MTMR2: variants seen among roughly 807,000 people sequenced by gnomAD.
The protein encoded by MTMR2 is myotubularin related protein 2.
In MTMR2, 55 loss-of-function variants were observed where a neutral mutation model predicts 86.9. That is an observed-to-expected ratio of 0.63 (90% CI 0.51 to 0.79). MTMR2 has a LOEUF of 0.79. MTMR2 is among the 30% of genes least tolerant of loss of function. The pLI, the probability that MTMR2 is intolerant of heterozygous loss-of-function variation, is 0.00. For synonymous variants in MTMR2, 241 were observed against 266.8 expected, an observed-to-expected ratio of 0.90 and a Z score of 0.94; for missense variants, 659 against 772.3, an observed-to-expected ratio of 0.85 and a Z score of 1.74.
chr11:95,871,004 GTGATAGTTTCCT>G (rs1864858341), intron 2 of MTMR2, among the ~76,000 whole-genome samples: 1 of 151,550 alleles, frequency 6.6e-6, no homozygotes, highest in Admixed American at 6.6e-5. Context: ...TTTTGTCCTT[GTGATAGTTTCCT>G]GAGAATGATG....
chr11:95,865,475 A>C, intron 3 of MTMR2, 126 bp downstream of exon 3: 1 of 871,252 alleles, frequency 1.1e-6, no homozygotes, highest in Non-Finnish European at 2.0e-6. Context: ...AGAAGACTGC[A>C]GGTAAAGAGT....
At chr11:95,845,203 A>G (rs777551816) in intron 10 of MTMR2, 44 bp from the exon 11 acceptor site, 3 of 1,504,180 alleles carry the variant, frequency 2.0e-6, no homozygotes, top group Middle Eastern at 3.4e-4. Context: ...AACAAGGTAA[A>G]TACTTCCTTC....
intron 7 of MTMR2, among the ~76,000 whole-genome samples, chr11:95,853,655 T>C (rs1231640572): frequency 6.6e-6 from 1 of 152,112 alleles, no homozygotes; most frequent in African/African-American, 2.4e-5. Context: ...AGACTATTCA[T>C]TACATTATAT....
chr11:95,868,477 C>T (rs1476045344), intron 2 of MTMR2, among the ~76,000 whole-genome samples: 7 of 151,018 alleles, frequency 4.6e-5, no homozygotes, highest in Admixed American at 2.0e-4. Flanking sequence ...ATTCAGAAAA[C>T]AGATTTAATG....
intron 1 of MTMR2, 119 bp from the exon 2 acceptor site, chr11:95,888,380 C>T (rs1019300853): frequency 8.4e-6 from 6 of 715,854 alleles, no homozygotes; most frequent in Admixed American, 4.3e-5. Context: ...CTAAGTTCTG[C>T]TTTGCCTATT....
intron 7 of MTMR2, 81 bp from the exon 8 acceptor site, chr11:95,850,830 A>T: frequency 7.5e-7 from 1 of 1,335,914 alleles, no homozygotes. Context: ...CATCCTGTTC[A>T]ATCTCTCTGA....
At chr11:95,862,786 T>C (rs1282547691) in intron 3 of MTMR2, among the ~76,000 whole-genome samples, 1 of 152,224 alleles carries the variant, frequency 6.6e-6, no homozygotes, top group Non-Finnish European at 1.5e-5. Flanking sequence ...CTGTCCAGTT[T>C]GTCAACATTC....
chr11:95,866,320 C>T (rs1359741139), intron 2 of MTMR2: 1 of 153,476 alleles, frequency 6.5e-6, no homozygotes. Context: ...AGAGAACACA[C>T]AGACACACCC....
At position 95,849,854 on chromosome 11, in the gene MTMR2, T is replaced by A. The variant is rs776101846; in HGVS notation, c.813A>T (p.Ser271=). Residue 271 remains serine (S), a synonymous_variant, in exon 9 of 15, where the codon TCA becomes TCT. Transcript: ENST00000346299. ...FRSRGRIPVL[S]WIHPESQATI... is the part of the protein sequence containing the mutation. The stretch of plus-strand genomic sequence containing the variant: ...TGGCTTGACTTTCAGGATGAATCCA[T>A]GATAAAACCTTAATGAGGAAAAAAT... 1 of 1,614,000 alleles carries A rather than the reference T, an allele frequency of 6.2e-7. No homozygotes were observed. Among genetic ancestry groups the A allele is most frequent in the South Asian group, 1.1e-5 (1 of 91,080 alleles).
Position 95,838,119 on chromosome 11 carries a change from T to C in MTMR2, c.1568A>G (p.Asn523Ser). Residue 523 changes from asparagine (N) to serine (S), a missense_variant, in exon 13 of 15, where the codon AAT becomes AGT. Asn to Ser is a conservative substitution (Grantham distance 46). This residue lies in a region of MTMR2 where 193 missense variants were observed against 191.6 expected (regional missense o/e 1.01). Transcript: ENST00000346299. ...YSCLFGTFLC[N>S]SEQQRGKENL... The stretch of plus-strand genomic sequence containing the variant: ...CTCTTTTCCTCTCTGTTGTTCACTA[T>C]TACAGAGGAATGTTCCGAATAAGCA... 1.2e-6 allele frequency: 2 copies of C among 1,605,532 alleles called. No individual in the cohort carries two copies. Among genetic ancestry groups the C allele is most frequent in the Non-Finnish European group, 1.7e-6 (2 of 1,172,544 alleles).
chr11:95,903,300 G>C (rs1275808825), intron 1 of MTMR2, among the ~76,000 whole-genome samples: 1 of 152,088 alleles, frequency 6.6e-6, no homozygotes. Flanking sequence ...CTACACTCCA[G>C]AGTACCTATT....
At chr11:95,845,582 A>G (rs922316058) in intron 10 of MTMR2, among the ~76,000 whole-genome samples, 2 of 152,146 alleles carry the variant, frequency 1.3e-5, no homozygotes, top group South Asian at 2.1e-4. Context: ...CCTGAAAGCA[A>G]TAATACTGGA....
intron 1 of MTMR2, among the ~76,000 whole-genome samples, chr11:95,923,308 G>A (rs748815856): frequency 3.3e-5 from 5 of 152,174 alleles, no homozygotes; most frequent in Non-Finnish European, 4.4e-5. Context: ...ATTTAGAAAA[G>A]AGAAGCACAG....
chr11:95,845,058 G>T lies in MTMR2; in HGVS notation c.1281C>A (p.Leu427=), dbSNP rs199542109. The T allele has an allele frequency of 7.4e-6, 12 of 1,613,820 alleles. No homozygotes were observed. Among genetic ancestry groups the T allele is most frequent in the Non-Finnish European group, 1.0e-5 (12 of 1,179,882 alleles). ...CCAACATGAGCATGGCAAGGGAAGTGAGCTGAGCTGTGCGATCCCAACCAT... is the reference window on the plus strand; with the variant it reads ...CCAACATGAGCATGGCAAGGGAAGTTAGCTGAGCTGTGCGATCCCAACCAT... ...CSDGWDRTAQ[L]TSLAMLMLDG... Residue 427 remains leucine, a synonymous_variant, in exon 11 of 15, where the codon CTC becomes CTA. Coordinates refer to ENST00000346299, the MANE Select transcript of MTMR2 (RefSeq NM_016156.6).
At chr11:95,838,249 T>G (rs777241424) in intron 12 of MTMR2, 42 bp from the exon 13 acceptor site, 5 of 1,046,846 alleles carry the variant, frequency 4.8e-6, no homozygotes, top group Middle Eastern at 2.1e-4. Flanking sequence ...AAGACATTCT[T>G]CAAGCATATT....
Position 95,849,666 on chromosome 11 carries a change from C to G in MTMR2, c.993+8G>C, listed in dbSNP as rs760050655. The G allele has an allele frequency of 1.2e-6, 2 of 1,612,648 alleles. No homozygotes were observed. Among genetic ancestry groups the G allele is most frequent in the Admixed American group, 1.7e-5 (1 of 60,006 alleles). ...ACCATAATTATAATTACTAAGAGAC[C>G]ATCTGACCTTGTTGGCAACAGCATT... is the stretch of plus-strand genomic sequence containing the variant. On this transcript the variant is annotated splice_region_variant and intron_variant, in intron 9 of 14. Transcript: ENST00000346299.
In MTMR2 at chr11:95,834,383, ACTT is replaced by A. The variant is rs1451885419; in HGVS notation, c.*904_*906del. ...AAAAAATGTAAAATTTGAGCACAGTACTTCTCACTATAAGCTATTTATACAGAA... is the reference window on the plus strand; with the variant it reads ...AAAAAATGTAAAATTTGAGCACAGTACTCACTATAAGCTATTTATACAGAA... On this transcript the variant is annotated 3_prime_UTR_variant, in exon 15 of 15. Transcript: ENST00000346299. The A allele has an allele frequency of 6.6e-6, 1 of 152,168 alleles. No individual in the cohort carries two copies. Among genetic ancestry groups the A allele is most frequent in the Non-Finnish European group, 1.5e-5 (1 of 67,982 alleles). 9.4% of individuals were successfully genotyped at this position (152,168 alleles called of 1,614,324 possible).
rs1028024604 is a variant in MTMR2, at chr11:95,870,581, T to C, written c.187-4905A>G. 1.1e-4 allele frequency among the ~76,000 whole-genome samples: 17 copies of C among 152,098 alleles called. 1 individual carries two copies. ...TATATGAATAATACTTGATGATTTT[T>C]ACTTGAGAGGAATTGCATCTCAGAT... is the stretch of plus-strand genomic sequence containing the variant. On this transcript the variant is annotated intron_variant, in intron 2 of 14. Coordinates refer to ENST00000346299, the MANE Select transcript of MTMR2 (RefSeq NM_016156.6).
intron 10 of MTMR2, among the ~76,000 whole-genome samples, chr11:95,846,729 G>A (rs767768378): frequency 6.6e-6 from 1 of 152,076 alleles, no homozygotes; most frequent in Non-Finnish European, 1.5e-5. Flanking sequence ...CAAACACAGC[G>A]ATTTATGTTA....
Sources: allele counts gnomAD v4.1 joint callset (sites outside exome capture counted in the v4.1 genomes callset), GRCh38; gene constraint gnomAD v4.1.1; regional missense constraint gnomAD v4.1.1; transcripts MANE v1.5; gene names NCBI Gene and HGNC (gene_info 2026-07-23, HGNC 2026-07-21).